The following TRIM3 variants were observed in gnomAD, a reference collection of about 807,000 sequenced individuals.
TRIM3 encodes the protein tripartite motif containing 3.
Under a neutral mutation model 66.6 loss-of-function variants are expected in TRIM3, and 13 were observed. The observed-to-expected ratio is 0.20, with a 90% CI of 0.13 to 0.31. TRIM3 has a LOEUF of 0.31. Among genes scored for constraint, TRIM3 ranks in the 10% least tolerant of loss-of-function variants. The pLI, the probability that TRIM3 is intolerant of heterozygous loss-of-function variation, is 1.00. For missense variants in TRIM3, 711 were observed against 1,020.4 expected, an observed-to-expected ratio of 0.70 and a Z score of 4.13; for synonymous variants, 406 against 411.7, an observed-to-expected ratio of 0.99 and a Z score of 0.17.
At chr11:6,454,762 A>G (rs1290047853) in intron 7 of TRIM3, among the ~76,000 whole-genome samples, 3 of 152,184 alleles carry the variant, frequency 2.0e-5, no homozygotes, top group African/African-American at 4.8e-5. Flanking sequence ...AGTCCCTTGC[A>G]CTTTTAGACT....
intron 1 of TRIM3, among the ~76,000 whole-genome samples, chr11:6,466,683 C>T (rs960059546): frequency 1.3e-5 from 2 of 150,804 alleles, no homozygotes. Context: ...TCCTGGGATC[C>T]TTTTCCTGGC....
In TRIM3 at chr11:6,458,931, A is replaced by G. The variant is rs752523158; in HGVS notation, c.132-635T>C. Among the ~76,000 whole-genome samples, 16 of 152,206 alleles carry G rather than the reference A, an allele frequency of 1.1e-4. No homozygotes were observed. The highest frequency in any genetic ancestry group is 1.6e-4 in the Non-Finnish European group (11 of 68,030). ...CACAGAGTGTTAGAGGATTACATGT[A>G]AAGTACTTACTTATATTTGAAGAGG... On this transcript the variant is annotated intron_variant, in intron 2 of 11. Coordinates refer to ENST00000345851, the MANE Select transcript of TRIM3 (RefSeq NM_033278.4). This position sits in a 1 kb window ranked among gnomAD's most constrained non-coding sequence, Gnocchi z 6.2.
rs1180498679 is a variant in TRIM3 at position 6,456,544 on chromosome 11, C to T, written c.1182G>A (p.Thr394=). 6.2e-6 allele frequency: 10 copies of T among 1,601,638 alleles called. No individual in the cohort carries two copies. Among genetic ancestry groups the T allele is most frequent in the African/African-American group, 5.4e-5 (4 of 74,696 alleles). Residue 394 remains threonine (T), a synonymous_variant, in exon 6 of 12, where the codon ACG becomes ACA. Coordinates refer to ENST00000345851, the MANE Select transcript of TRIM3 (RefSeq NM_033278.4). This position sits in a 1 kb window ranked among gnomAD's most constrained non-coding sequence, Gnocchi z 6.4. ...GTYELVYTAR[T]EGELLLSVLL... is the part of the protein sequence containing the mutation. ...GCACCGAGAGGAGCAGCTCGCCTTC[C>T]GTGCGCGCTGTGTACACTAGCTCAT...
chr11:6,453,202 A>G (rs1171016356), intron 7 of TRIM3: 1 of 152,184 alleles, frequency 6.6e-6, no homozygotes, highest in African/African-American at 2.4e-5. Flanking sequence ...TCAATCTCAG[A>G]CCTGAACTGG....
intron 7 of TRIM3, among the ~76,000 whole-genome samples, chr11:6,455,795 G>A (rs1213699785): frequency 1.3e-5 from 2 of 152,188 alleles, no homozygotes; most frequent in Non-Finnish European, 2.9e-5. Flanking sequence ...TGCAGTCCAG[G>A]AGCTGACCTG....
chr11:6,449,399 G>A lies in TRIM3; in HGVS notation c.1989C>T (p.Gly663=), dbSNP rs200119903. 1.6e-5 allele frequency: 26 copies of A among 1,613,898 alleles called. No individual in the cohort carries two copies. Among genetic ancestry groups the A allele is most frequent in the South Asian group, 8.8e-5 (8 of 91,076 alleles). Reference sequence around the variant, plus strand: ...GGGCATTGAACTGCCCATTGCCCTCGCCATGGGAGCCAAACTTGAAGAGGA... The same window carrying A: ...GGGCATTGAACTGCCCATTGCCCTCACCATGGGAGCCAAACTTGAAGAGGA... ...GEFLFKFGSH[G]EGNGQFNAPT... is the part of the protein sequence containing the mutation. The change falls in exon 11 of 12, where the codon GGC becomes GGT. Residue 663 remains glycine, a synonymous_variant. Transcript: ENST00000345851. This position sits in a 1 kb window ranked among gnomAD's most constrained non-coding sequence, Gnocchi z 5.3.
chr11:6,458,584 G>A lies in TRIM3; in HGVS notation c.132-288C>T, dbSNP rs1326835958. 6.6e-6 allele frequency among the ~76,000 whole-genome samples: 1 copy of A among 152,140 alleles called. No individual in the cohort carries two copies. Among genetic ancestry groups the A allele is most frequent in the Non-Finnish European group, 1.5e-5 (1 of 68,036 alleles). On this transcript the variant is annotated intron_variant, in intron 2 of 11. Coordinates refer to ENST00000345851, the MANE Select transcript of TRIM3 (RefSeq NM_033278.4). This position sits in a 1 kb window ranked among gnomAD's most constrained non-coding sequence, Gnocchi z 6.2. Reference sequence around the variant, plus strand: ...AGGTGTTTACAAATGCTTCTCATAGGAATGTGCAACTAGGCACCCCCTGCC... The same window carrying A: ...AGGTGTTTACAAATGCTTCTCATAGAAATGTGCAACTAGGCACCCCCTGCC...
intron 2 of TRIM3, among the ~76,000 whole-genome samples, chr11:6,461,255 G>A (rs1850223671): frequency 6.6e-6 from 1 of 152,036 alleles, no homozygotes; most frequent in African/African-American, 2.4e-5. Flanking sequence ...CTCAAGTAGA[G>A]TGGTTTCTGT....
At position 6,450,713 on chromosome 11, in the gene TRIM3, G is replaced by A. The variant is rs1849685427; in HGVS notation, c.1871-92C>T. 8 of 1,442,052 alleles carry A rather than the reference G, an allele frequency of 5.5e-6. No homozygotes were observed. Among genetic ancestry groups the A allele is most frequent in the African/African-American group, 1.4e-5 (1 of 71,524 alleles). 89.3% of individuals were successfully genotyped at this position (1,442,052 alleles called of 1,614,324 possible). A position where few individuals can be genotyped will look rare whatever the true frequency, so the allele number is the denominator to read the frequency against. On this transcript the variant is annotated intron_variant, in intron 9 of 11. Transcript: ENST00000345851. The surrounding 1 kb of genome is among the most constrained non-coding windows in gnomAD (Gnocchi z 4.8). ...GGGAAGATAAAAGCTAGGGTGTTAG[G>A]AGAGGGGTGGGGTCTCCAGGACTGA...
At position 6,450,842 on chromosome 11, in the gene TRIM3, TTC is replaced by T. The variant is rs1849689724; in HGVS notation, c.1870+48_1870+49del. 6.2e-7 allele frequency: 1 copy of T among 1,604,458 alleles called. No homozygotes were observed. Among genetic ancestry groups the T allele is most frequent in the African/African-American group, 1.3e-5 (1 of 74,622 alleles). On this transcript the variant is annotated intron_variant, in intron 9 of 11. Transcript: ENST00000345851. This position sits in a 1 kb window ranked among gnomAD's most constrained non-coding sequence, Gnocchi z 4.8. Reference sequence around the variant, plus strand: ...TTTACAGCTGGGGTATCTAGGGGAGTTCTCTGGAACAGGGGTATCAGCATAGA... The same window carrying T: ...TTTACAGCTGGGGTATCTAGGGGAGTTCTGGAACAGGGGTATCAGCATAGA...
At chr11:6,464,831 C>A (rs1850381840) in intron 2 of TRIM3, among the ~76,000 whole-genome samples, 1 of 151,928 alleles carries the variant, frequency 6.6e-6, no homozygotes, top group African/African-American at 2.4e-5. Context: ...TAATAAAATA[C>A]AAAAAGTTAG....
In TRIM3 at chr11:6,456,881, G is replaced by C; in HGVS notation, c.845C>G (p.Ala282Gly). Residue 282 changes from alanine to glycine, a missense_variant, in exon 6 of 12, where the codon GCG (alanine) becomes GGG (glycine). Ala to Gly is a moderately conservative substitution (Grantham distance 60). Around this residue, in one of 3 missense-constraint regions of TRIM3, gnomAD observed 399 missense variants for 458.1 expected, o/e 0.87. Transcript: ENST00000345851. This position sits in a 1 kb window ranked among gnomAD's most constrained non-coding sequence, Gnocchi z 6.4. ...KHMRERLAAL[A>G]AQAFPERPHE... is the part of the protein sequence containing the mutation. ...TGGCCGCTCCGGGAAGGCCTGTGCC[G>C]CCAATGCAGCCAGCCGCTCTCGCAT... is the stretch of plus-strand genomic sequence containing the variant. 1.2e-6 allele frequency: 2 copies of C among 1,612,412 alleles called. No homozygotes were observed. Among genetic ancestry groups the C allele is most frequent in the Non-Finnish European group, 1.7e-6 (2 of 1,179,960 alleles).
intron 1 of TRIM3, among the ~76,000 whole-genome samples, chr11:6,470,123 T>C (rs1028986157): frequency 6.6e-6 from 1 of 152,212 alleles, no homozygotes; most frequent in Non-Finnish European, 1.5e-5. Context: ...CTATTAAGTA[T>C]AGAGTGACAA....
At chr11:6,464,683 ATTGTGT>A (rs1220154581) in intron 2 of TRIM3, among the ~76,000 whole-genome samples, 1 of 152,120 alleles carries the variant, frequency 6.6e-6, no homozygotes, top group Non-Finnish European at 1.5e-5. Context: ...TATGTAAACT[ATTGTGT>A]ATCAGTTTTT....
At position 6,456,394 on chromosome 11, in the gene TRIM3, A is replaced by T; in HGVS notation, c.1332T>A (p.His444Gln). 1 of 1,529,394 alleles carries T rather than the reference A, an allele frequency of 6.5e-7. No individual in the cohort carries two copies. Among genetic ancestry groups the T allele is most frequent in the Non-Finnish European group, 8.8e-7 (1 of 1,135,850 alleles). The allele number at this position is 1,529,394 out of a possible 1,614,324, so 94.7% of individuals were successfully genotyped here. A position where few individuals can be genotyped will look rare whatever the true frequency, so the allele number is the denominator to read the frequency against. ...GCCTACGCACTGCCTTCTGGCGCAC[A>T]TGGCTGCCGGGGCCGCCAGGGGACT... is the stretch of plus-strand genomic sequence containing the variant. ...RVKSPGGPGSHVRQKAVRRPS... is the reference protein window; with the variant it reads ...RVKSPGGPGSQVRQKAVRRPS... Residue 444 changes from histidine (H) to glutamine (Q), a missense_variant, in exon 6 of 12, where the codon CAT becomes CAA. Coordinates refer to ENST00000345851, the MANE Select transcript of TRIM3 (RefSeq NM_033278.4). The surrounding 1 kb of genome is among the most constrained non-coding windows in gnomAD (Gnocchi z 6.4).
chr11:6,454,221 A>T (rs1849867916), intron 7 of TRIM3, among the ~76,000 whole-genome samples: 1 of 152,048 alleles, frequency 6.6e-6, no homozygotes, highest in South Asian at 2.1e-4. Flanking sequence ...TTTACTAAAA[A>T]TAAAAATAAA....
In TRIM3 at chr11:6,454,879, G is replaced by A. The variant is rs79355991; in HGVS notation, c.1533+1193C>T. Among the ~76,000 whole-genome samples the A allele has an allele frequency of 5.4e-3, 828 of 152,288 alleles. 2 individuals carry two copies. The highest frequency in any genetic ancestry group is 7.7e-3 in the Non-Finnish European group (521 of 68,028). On this transcript the variant is annotated intron_variant, in intron 7 of 11. Coordinates refer to ENST00000345851, the MANE Select transcript of TRIM3 (RefSeq NM_033278.4). ...TCAAGCAGGGTCAGGAAGTTTAAAC[G>A]TATAGGTGTTTAGAAGTAAGGATCT...
chr11:6,450,599 G>T lies in TRIM3; in HGVS notation c.1893C>A (p.Asn631Lys). 6.2e-7 allele frequency: 1 copy of T among 1,614,174 alleles called. No individual in the cohort carries two copies. The highest frequency in any genetic ancestry group is 8.5e-7 in the Non-Finnish European group (1 of 1,180,030). The change falls in exon 10 of 12, where the codon AAC (asparagine) becomes AAA (lysine). Residue 631 changes from asparagine (N) to lysine (K), a missense_variant. Asn to Lys is a moderately conservative substitution (Grantham distance 94). Transcript: ENST00000345851. The surrounding 1 kb of genome is among the most constrained non-coding windows in gnomAD (Gnocchi z 4.8). Reference protein sequence around the residue: ...HFAGPHFVAVNNKNEIVVTDF... With the variant: ...HFAGPHFVAVKNKNEIVVTDF... ...CCGTTACTACAATTTCATTCTTGTT[G>T]TTCACAGCCACAAAATGGGGCCCTG...
At position 6,457,585 on chromosome 11, in the gene TRIM3, CT is replaced by C. The variant is rs1850052917; in HGVS notation, c.515+110del. The C allele has an allele frequency of 7.1e-6, 11 of 1,549,954 alleles. No individual in the cohort carries two copies. The South Asian group carries it at 1.2e-4, about 17-fold the overall frequency. On this transcript the variant is annotated intron_variant, in intron 4 of 11. Transcript: ENST00000345851. This position sits in a 1 kb window ranked among gnomAD's most constrained non-coding sequence, Gnocchi z 4.5. ...CTCATGGAGATCTCCTTCCTGAGAC[CT>C]CCCTGAGACTTCCATCTCTGCCCTT...
Sources: gnomAD v4.1 joint callset for allele counts (sites outside exome capture counted in the v4.1 genomes callset) on GRCh38, gnomAD v4.1.1 for gene constraint, gnomAD v4.1.1 regional missense constraint, Gnocchi (gnomAD v3.1) non-coding constraint, MANE v1.5 for transcripts, NCBI Gene and HGNC (gene_info 2026-07-23, HGNC 2026-07-21) for gene names.